RYR3: variants seen among roughly 807,000 people sequenced by gnomAD.
The protein encoded by RYR3 is brain ryanodine receptor-calcium release channel.
RYR3 carries 207 observed loss-of-function variants against 584.3 expected under a neutral mutation model. That is an observed-to-expected ratio of 0.35 (90% confidence interval 0.32 to 0.40). RYR3 has a LOEUF of 0.40. Ranked by LOEUF, RYR3 falls within the 10% of genes least tolerant of loss-of-function variation. The pLI, the probability that RYR3 is intolerant of heterozygous loss-of-function variation, is 1.00. For missense variants in RYR3, 5,616 were observed against 6,089.2 expected, an observed-to-expected ratio of 0.92 and a Z score of 2.59; for synonymous variants, 2,416 against 2,248.5, an observed-to-expected ratio of 1.07 and a Z score of -2.11.
chr15:33,845,971 A>G (rs1005298709), intron 93 of RYR3, among the ~76,000 whole-genome samples: 7 of 152,344 alleles, frequency 4.6e-5, no homozygotes, highest in Non-Finnish European at 8.8e-5. Flanking sequence ...ATTTGCAGCC[A>G]TCTGCGAGCT....
chr15:33,812,206 G>A (rs545150612), intron 72 of RYR3, among the ~76,000 whole-genome samples: 1 of 152,134 alleles, frequency 6.6e-6, no homozygotes, highest in Admixed American at 6.5e-5. Flanking sequence ...ACCACTTGGA[G>A]AGCCTCCACC....
chr15:33,839,496 G>A (rs1262153168), intron 89 of RYR3: 1 of 153,836 alleles, frequency 6.5e-6, no homozygotes, highest in African/African-American at 2.4e-5. Flanking sequence ...GGAATTCAGA[G>A]CCCCTTGACC....
intron 3 of RYR3, among the ~76,000 whole-genome samples, chr15:33,524,607 G>A (rs2140995526): frequency 6.6e-6 from 1 of 152,242 alleles, no homozygotes; most frequent in Non-Finnish European, 1.5e-5. Flanking sequence ...CTTTGCAAAA[G>A]GGTTGTATTC....
chr15:33,847,284 C>T (rs924948102), intron 93 of RYR3: 1 of 152,202 alleles, frequency 6.6e-6, no homozygotes, highest in Non-Finnish European at 1.5e-5. Context: ...AAAAACAGGG[C>T]AAGAGGTAAC....
intron 98 of RYR3, chr15:33,856,535 C>G (rs993874085): frequency 6.6e-6 from 1 of 152,316 alleles, no homozygotes; most frequent in African/African-American, 2.4e-5. Context: ...TGTGACTCAG[C>G]TCCACCATCA....
chr15:33,459,526 T>C (rs1441163205), intron 1 of RYR3, among the ~76,000 whole-genome samples: 1 of 152,060 alleles, frequency 6.6e-6, no homozygotes, highest in African/African-American at 2.4e-5. Flanking sequence ...ACAGCAGGGC[T>C]TAATAGGTGG....
chr15:33,800,729 T>C, intron 67 of RYR3, 41 bp from the exon 68 acceptor site: 1 of 1,381,908 alleles, frequency 7.2e-7, no homozygotes, highest in South Asian at 1.2e-5. Flanking sequence ...TTTTAATCTC[T>C]ACTGAATTTC....
chr15:33,686,239 G>T (rs2065001201), intron 38 of RYR3, among the ~76,000 whole-genome samples: 1 of 152,068 alleles, frequency 6.6e-6, no homozygotes. Context: ...TCGTAAAGGG[G>T]ATGATATCAC....
In RYR3 at chr15:33,603,186, C is replaced by T. The variant is rs193106812; in HGVS notation, c.1986C>T (p.Phe662=). 18 of 1,613,866 alleles carry T rather than the reference C, an allele frequency of 1.1e-5. No individual in the cohort carries two copies. Among genetic ancestry groups the T allele is most frequent in the Middle Eastern group, 1.6e-4 (1 of 6,062 alleles). The change falls in exon 18 of 104, where the codon TTC becomes TTT. Residue 662 remains phenylalanine, a synonymous_variant. Coordinates refer to ENST00000634891, the MANE Select transcript of RYR3 (RefSeq NM_001036.6). The part of the protein sequence containing the change: ...EGSAQYKKWY[F]ELIIDQVDPF... ...CAGCCCAGTACAAGAAGTGGTACTT[C>T]GAGCTGATTATCGACCAGGTGGACC...
intron 20 of RYR3, 103 bp downstream of exon 20, chr15:33,624,126 C>T: frequency 1.2e-6 from 1 of 806,636 alleles, no homozygotes; most frequent in Non-Finnish European, 2.1e-6. Context: ...ATACATGCTC[C>T]AGAATTGTTG....
At position 33,788,576 on chromosome 15, in the gene RYR3, C is replaced by A. The variant is rs375025859; in HGVS notation, c.9830+118C>A. ...AGTGAGATAAAGGAGGCGATAGCCGCCCCCACCATTCTCCTTCCCAACACC... is the reference window on the plus strand; with the variant it reads ...AGTGAGATAAAGGAGGCGATAGCCGACCCCACCATTCTCCTTCCCAACACC... On this transcript the variant is annotated intron_variant, in intron 67 of 103. Transcript: ENST00000634891. 3.5e-6 allele frequency: 4 copies of A among 1,140,654 alleles called. No homozygotes were observed. The East Asian group carries it at 1.0e-4, about 29-fold the overall frequency. 70.7% of individuals were successfully genotyped at this position (1,140,654 alleles called of 1,614,324 possible). A position where few individuals can be genotyped will look rare whatever the true frequency, so the allele number is the denominator to read the frequency against.
chr15:33,344,063 A>G (rs1255401374), intron 1 of RYR3, among the ~76,000 whole-genome samples: 1 of 152,192 alleles, frequency 6.6e-6, no homozygotes, highest in Non-Finnish European at 1.5e-5. Flanking sequence ...AAAAACGTAC[A>G]TTCACTTGCT....
chr15:33,734,680 T>A (rs979972881), intron 48 of RYR3, among the ~76,000 whole-genome samples: 1 of 135,408 alleles, frequency 7.4e-6, no homozygotes, highest in African/African-American at 2.8e-5. Context: ...GAAATTCGAT[T>A]TTTTTTTCTT....
intron 69 of RYR3, 121 bp downstream of exon 69, chr15:33,802,082 A>G (rs767231176): frequency 2.6e-6 from 2 of 782,570 alleles, no homozygotes; most frequent in Non-Finnish European, 4.7e-6. Context: ...TACATGACCA[A>G]CAGTCTCTGC....
At chr15:33,585,098 A>G (rs2058781111) in intron 15 of RYR3, among the ~76,000 whole-genome samples, 1 of 152,050 alleles carries the variant, frequency 6.6e-6, no homozygotes, top group African/African-American at 2.4e-5. Flanking sequence ...TGGCAGGTAT[A>G]CGCCCCTCAA....
chr15:33,582,287 G>C (rs2058634264), intron 14 of RYR3, among the ~76,000 whole-genome samples: 1 of 152,190 alleles, frequency 6.6e-6, no homozygotes, highest in Non-Finnish European at 1.5e-5. Flanking sequence ...CTCAGACACT[G>C]TGATAAGCTA....
rs548009425 is a variant in RYR3, at chr15:33,607,964, G to A, written c.2164+4600G>A. ...GATTAGGTAACTTGAGTCCACAAAG[G>A]TAAGTTACTTGCCCAAGGTCACACA... On this transcript the variant is annotated intron_variant, in intron 18 of 103. Transcript: ENST00000634891. Among the ~76,000 whole-genome samples the A allele has an allele frequency of 3.3e-5, 5 of 152,268 alleles. No homozygotes were observed. In the East Asian group the frequency reaches 9.6e-4, roughly 29 times the overall value.
chr15:33,862,844 G>GA (rs1888893673), intron 102 of RYR3, among the ~76,000 whole-genome samples: 1 of 152,100 alleles, frequency 6.6e-6, no homozygotes, highest in Non-Finnish European at 1.5e-5. Flanking sequence ...CTCCTGACCT[G>GA]AAGTGATCCA....
intron 38 of RYR3, among the ~76,000 whole-genome samples, chr15:33,690,410 A>G (rs1171053398): frequency 1.3e-5 from 2 of 152,222 alleles, no homozygotes; most frequent in East Asian, 3.8e-4. Flanking sequence ...TTTCAAAATA[A>G]TGATTCTTTA....
Sources: allele counts gnomAD v4.1 joint callset (sites outside exome capture counted in the v4.1 genomes callset), GRCh38; gene constraint gnomAD v4.1.1; transcripts MANE v1.5; gene names NCBI Gene and HGNC (gene_info 2026-07-23, HGNC 2026-07-21).